Variants in HIBCH observed in about 807,000 individuals in gnomAD.
The protein encoded by HIBCH is 3-hydroxyisobutyryl-CoA hydrolase.
Under a neutral mutation model 58.2 loss-of-function variants are expected in HIBCH, and 50 were observed. The ratio of observed to expected loss-of-function variants is 0.86; its 90% CI spans 0.68 to 1.09. The LOEUF is 1.09. Ranked by LOEUF, HIBCH falls within the 50% of genes least tolerant of loss-of-function variation. HIBCH has a pLI of 0.00. For synonymous variants in HIBCH, 151 were observed against 146.9 expected (o/e 1.03, Z -0.20); for missense variants, 450 against 449.7 (o/e 1.00, Z -0.01).
rs994498824 is a variant in HIBCH, at chr2:190,304,709, A to T, written c.78+6045T>A. ...AAGTACCACAAATTAAATGGCTTAA[A>T]CAACACAAACTTATTTTTTTTGTAA... is the stretch of plus-strand genomic sequence containing the variant. On this transcript the variant is annotated intron_variant, in intron 2 of 13. Coordinates refer to ENST00000359678, the MANE Select transcript of HIBCH (RefSeq NM_014362.4). The surrounding 1 kb of genome is among the most constrained non-coding windows in gnomAD (Gnocchi z 4.1). 6.6e-6 allele frequency among the ~76,000 whole-genome samples: 1 copy of T among 152,212 alleles called. No individual in the cohort carries two copies. The highest frequency in any genetic ancestry group is 1.5e-5 in the Non-Finnish European group (1 of 68,024).
In HIBCH at chr2:190,261,179, A is replaced by G; in HGVS notation, c.494T>C (p.Phe165Ser). 1 of 1,613,718 alleles carries G rather than the reference A, an allele frequency of 6.2e-7. No individual in the cohort carries two copies. The highest frequency in any genetic ancestry group is 1.1e-5 in the South Asian group (1 of 91,048). The part of the protein sequence containing the change: ...QFRVATEKCL[F>S]AMPETAIGLF... Reference sequence around the variant, plus strand: ...ACCTATTGCAGTTTCTGGCATAGCAAAAAGACACTTTTCTGTAGCCACTCG... The same window carrying G: ...ACCTATTGCAGTTTCTGGCATAGCAGAAAGACACTTTTCTGTAGCCACTCG... The change falls in exon 7 of 14, where the codon TTT becomes TCT. Residue 165 changes from phenylalanine (F) to serine (S), a missense_variant. Physicochemically the swap from Phe to Ser is radical, Grantham distance 155. Transcript: ENST00000359678.
intron 9 of HIBCH, among the ~76,000 whole-genome samples, chr2:190,248,296 T>A (rs186134091): frequency 2.0e-5 from 3 of 152,186 alleles, no homozygotes; most frequent in Admixed American, 6.5e-5. Flanking sequence ...TCAGGCAAGA[T>A]GTGTTATTAA....
chr2:190,222,281 C>A (rs750617532), intron 11 of HIBCH, among the ~76,000 whole-genome samples: 3 of 152,184 alleles, frequency 2.0e-5, no homozygotes, highest in Non-Finnish European at 4.4e-5. Flanking sequence ...TCTGTCCCTG[C>A]TGGCACAGAA....
At chr2:190,191,453 A>G (rs1023835572) in intron 1 of HIBCH, among the ~76,000 whole-genome samples, 2 of 152,080 alleles carry the variant, frequency 1.3e-5, no homozygotes, top group African/African-American at 4.8e-5. Context: ...CCAGCATACA[A>G]TTTTTTTATG....
intron 6 of HIBCH, among the ~76,000 whole-genome samples, chr2:190,266,711 G>T (rs200331390): frequency 2.6e-5 from 4 of 151,870 alleles, no homozygotes; most frequent in African/African-American, 9.7e-5. Flanking sequence ...TGGGATTACA[G>T]CCATGAGCCA....
rs572867427 is a variant in HIBCH, at chr2:190,275,498, T to C, written c.438+12088A>G. ...ATAACATACCAGAACAGGATCTAGC[T>C]TGAGGTCCTAAGAGGGATAGGACAG... On this transcript the variant is annotated intron_variant, in intron 6 of 13. Coordinates refer to ENST00000359678, the MANE Select transcript of HIBCH (RefSeq NM_014362.4). 5.3e-5 allele frequency among the ~76,000 whole-genome samples: 8 copies of C among 152,320 alleles called. No homozygotes were observed. In the East Asian group the frequency reaches 1.5e-3, roughly 29 times the overall value.
rs200323017 is a variant in HIBCH, at chr2:190,207,900, TAAAAA to T, written c.1045+975_1045+979del. Among the ~76,000 whole-genome samples, 3 of 135,462 alleles carry T rather than the reference TAAAAA, an allele frequency of 2.2e-5. No homozygotes were observed. Among genetic ancestry groups the T allele is most frequent in the African/African-American group, 5.6e-5 (2 of 35,506 alleles). The allele number at this position is 135,462 out of a possible 152,430, so 88.9% of individuals were successfully genotyped here. On this transcript the variant is annotated intron_variant, in intron 13 of 13. Coordinates refer to ENST00000359678, the MANE Select transcript of HIBCH (RefSeq NM_014362.4). The surrounding 1 kb of genome is among the most constrained non-coding windows in gnomAD (Gnocchi z 4.5). ...TGTCTCCAAAAAAAATAAAATAAAATAAAAAAAACAAAGGATATCCAGAGTCTGCA... is the reference window on the plus strand; with the variant it reads ...TGTCTCCAAAAAAAATAAAATAAAATAAACAAAGGATATCCAGAGTCTGCA...
intron 11 of HIBCH, among the ~76,000 whole-genome samples, chr2:190,242,692 A>G (rs1459799283): frequency 1.3e-5 from 2 of 152,212 alleles, no homozygotes; most frequent in African/African-American, 4.8e-5. Context: ...AGTCATCAAT[A>G]CTAGCTACAA....
In HIBCH at chr2:190,304,789, T is replaced by C. The variant is rs1688360922; in HGVS notation, c.78+5965A>G. Among the ~76,000 whole-genome samples, 1 of 152,190 alleles carries C rather than the reference T, an allele frequency of 6.6e-6. No individual in the cohort carries two copies. Among genetic ancestry groups the C allele is most frequent in the Admixed American group, 6.5e-5 (1 of 15,284 alleles). On this transcript the variant is annotated intron_variant, in intron 2 of 13. Coordinates refer to ENST00000359678, the MANE Select transcript of HIBCH (RefSeq NM_014362.4). The surrounding 1 kb of genome is among the most constrained non-coding windows in gnomAD (Gnocchi z 4.1). The stretch of plus-strand genomic sequence containing the variant: ...GTTTTGATTTCCAAGTTTTATGATC[T>C]CTTCTACCTCCAAAAGAAACTGAAG...
At chr2:190,303,228 A>G (rs1688315273) in intron 2 of HIBCH, among the ~76,000 whole-genome samples, 1 of 152,212 alleles carries the variant, frequency 6.6e-6, no homozygotes, top group South Asian at 2.1e-4. Flanking sequence ...TCTATTACAG[A>G]TACATACATT....
chr2:190,196,961 G>A (rs886105921), intron 1 of HIBCH, among the ~76,000 whole-genome samples: 2 of 152,128 alleles, frequency 1.3e-5, no homozygotes, highest in African/African-American at 4.8e-5. Context: ...TGGTTCTGGA[G>A]GCTGGGAAGT....
chr2:190,249,962 G>A (rs2119463), intron 8 of HIBCH, among the ~76,000 whole-genome samples: 4,164 of 152,236 alleles, frequency 0.027, 98 homozygotes, highest in East Asian at 0.14. Context: ...GAGAAATAGA[G>A]ACTTTTGTTT....
chr2:190,202,872 T>C (rs1266869940), downstream of HIBCH: 2 of 167,096 alleles, frequency 1.2e-5, no homozygotes, highest in Non-Finnish European at 2.9e-5. Context: ...CCTTCCCCAG[T>C]TGTCGCTTAT....
At chr2:190,255,400 T>C (rs1014943582) in intron 7 of HIBCH, among the ~76,000 whole-genome samples, 1 of 152,186 alleles carries the variant, frequency 6.6e-6, no homozygotes, top group African/African-American at 2.4e-5. Context: ...TATTCACATC[T>C]CAGCTTAAAG....
chr2:190,313,480 G>A (rs906637815), intron 1 of HIBCH, among the ~76,000 whole-genome samples: 3 of 152,018 alleles, frequency 2.0e-5, no homozygotes. Flanking sequence ...GACCCTTTCT[G>A]CAGAAAGTAA....
At position 190,209,773 on chromosome 2, in the gene HIBCH, T is replaced by A. The variant is rs1053867445; in HGVS notation, c.1012-860A>T. ...TTGATGTGGTCATTCACTTTTATTTTCCTAGAATCATCGATGTAGGCAATA... is the reference window on the plus strand; with the variant it reads ...TTGATGTGGTCATTCACTTTTATTTACCTAGAATCATCGATGTAGGCAATA... On this transcript the variant is annotated intron_variant, in intron 12 of 13. Coordinates refer to ENST00000359678, the MANE Select transcript of HIBCH (RefSeq NM_014362.4). This position sits in a 1 kb window ranked among gnomAD's most constrained non-coding sequence, Gnocchi z 5.6. Among the ~76,000 whole-genome samples the A allele has an allele frequency of 1.3e-5, 2 of 152,220 alleles. No individual in the cohort carries two copies. Among genetic ancestry groups the A allele is most frequent in the African/African-American group, 4.8e-5 (2 of 41,448 alleles).
chr2:190,236,460 T>C lies in HIBCH; in HGVS notation c.891+8427A>G, dbSNP rs1439123133. Among the ~76,000 whole-genome samples, 1 of 152,194 alleles carries C rather than the reference T, an allele frequency of 6.6e-6. No individual in the cohort carries two copies. The highest frequency in any genetic ancestry group is 1.9e-4 in the East Asian group (1 of 5,202). ...TTTTCTAAGTAATCATCTTAAACCT[T>C]ACAAACATATATCTATAAATCATTT... On this transcript the variant is annotated intron_variant, in intron 11 of 13. Coordinates refer to ENST00000359678, the MANE Select transcript of HIBCH (RefSeq NM_014362.4). The surrounding 1 kb of genome is among the most constrained non-coding windows in gnomAD (Gnocchi z 4.1).
chr2:190,294,125 T>A (rs899378940), intron 4 of HIBCH, among the ~76,000 whole-genome samples: 1 of 148,324 alleles, frequency 6.7e-6, no homozygotes. Flanking sequence ...GTGGGAAGCA[T>A]AGGAAAAGTT....
intron 6 of HIBCH, among the ~76,000 whole-genome samples, chr2:190,270,584 T>C (rs893225690): frequency 1.3e-5 from 2 of 152,130 alleles, no homozygotes; most frequent in African/African-American, 4.8e-5. Context: ...TATTAGAGAG[T>C]ATGTGATAGC....
Sources: gnomAD v4.1 joint callset for allele counts (sites outside exome capture counted in the v4.1 genomes callset) on GRCh38, gnomAD v4.1.1 for gene constraint, Gnocchi (gnomAD v3.1) non-coding constraint, MANE v1.5 for transcripts, NCBI Gene and HGNC (gene_info 2026-07-23, HGNC 2026-07-21) for gene names.